Variants in VPS37A observed in about 807,000 individuals in gnomAD.
The protein encoded by VPS37A is vacuolar protein sorting-associated protein 37A.
A neutral mutation model predicts 49.8 loss-of-function variants in VPS37A; 30 were observed. That is an observed-to-expected ratio of 0.60 (90% CI 0.45 to 0.82). The LOEUF (loss-of-function observed/expected upper bound fraction) is 0.82, where lower values mean the gene tolerates loss of function less well. Ranked by LOEUF, VPS37A falls within the 40% of genes least tolerant of loss-of-function variation. The pLI is 0.00. For synonymous variants in VPS37A, 195 were observed against 160.6 expected, an observed-to-expected ratio of 1.21 and a Z score of -1.62; for missense variants, 593 against 464.4, an observed-to-expected ratio of 1.28 and a Z score of -2.55.
the VPS37A span, among the ~76,000 whole-genome samples, chr8:17,324,417 C>T: frequency 1.3e-5 from 2 of 152,196 alleles, no homozygotes; most frequent in Admixed American, 1.3e-4. Flanking sequence ...GTTTCCCAGG[C>T]CATCCATGGT....
chr8:17,319,428 C>T, the VPS37A span, among the ~76,000 whole-genome samples: 6 of 152,160 alleles, frequency 3.9e-5, no homozygotes, highest in African/African-American at 1.4e-4. Flanking sequence ...AACATGTCAA[C>T]GCTGAAGCTC....
downstream of VPS37A, chr8:17,305,645 A>T: frequency 2.4e-6 from 2 of 827,822 alleles, no homozygotes; most frequent in Non-Finnish European, 3.8e-6. Flanking sequence ...CTGTCAGTAT[A>T]GGTATGTGAC....
intron 1 of VPS37A, among the ~76,000 whole-genome samples, chr8:17,255,477 G>A (rs1188753978): frequency 6.7e-6 from 1 of 148,506 alleles, no homozygotes. Flanking sequence ...GTGAGACTTC[G>A]TCTTAAATAT....
At chr8:17,312,776 C>G in the VPS37A span, among the ~76,000 whole-genome samples, 1 of 152,192 alleles carries the variant, frequency 6.6e-6, no homozygotes, top group Admixed American at 6.5e-5. Context: ...ATATGGTTCT[C>G]TTTAGGTATA....
intron 2 of VPS37A, among the ~76,000 whole-genome samples, chr8:17,266,961 C>T (rs571824439): frequency 3.6e-4 from 54 of 151,912 alleles, no homozygotes; most frequent in Non-Finnish European, 5.3e-4. Flanking sequence ...TCAGTAGAGA[C>T]GAGGTTTCAC....
At chr8:17,299,240 T>C (rs763898778), downstream of VPS37A, 5 of 152,382 alleles carry the variant, frequency 3.3e-5, no homozygotes, top group East Asian at 5.8e-4. Flanking sequence ...AAACAGACTA[T>C]AGATCTCAGA....
chr8:17,320,692 C>T, the VPS37A span, among the ~76,000 whole-genome samples: 2 of 152,206 alleles, frequency 1.3e-5, no homozygotes, highest in Non-Finnish European at 2.9e-5. Flanking sequence ...GCAAGCTCGG[C>T]CCTTCTGGAG....
the VPS37A span, among the ~76,000 whole-genome samples, chr8:17,320,899 G>C: frequency 6.6e-6 from 1 of 152,294 alleles, no homozygotes; most frequent in South Asian, 2.1e-4. Flanking sequence ...ATGCCCCAAA[G>C]TGTTCAACTT....
At chr8:17,266,669 C>T (rs1476172264) in intron 2 of VPS37A, among the ~76,000 whole-genome samples, 1 of 152,166 alleles carries the variant, frequency 6.6e-6, no homozygotes, top group Non-Finnish European at 1.5e-5. Flanking sequence ...TCACGTTCTC[C>T]TTGCCAGCAT....
At chr8:17,279,867 G>T (rs766622890) in intron 6 of VPS37A, 161 bp from the exon 7 acceptor site, 1 of 821,706 alleles carries the variant, frequency 1.2e-6, no homozygotes, top group Non-Finnish European at 2.0e-6. Context: ...TGTGGTTGAT[G>T]TTTTATTTGA....
intron 10 of VPS37A, among the ~76,000 whole-genome samples, chr8:17,285,697 T>C (rs1394630122): frequency 6.6e-6 from 1 of 152,198 alleles, no homozygotes; most frequent in Non-Finnish European, 1.5e-5. Context: ...GTTATAGTGT[T>C]AGTAAGGCAT....
the VPS37A span, among the ~76,000 whole-genome samples, chr8:17,320,525 A>G: frequency 1.3e-5 from 2 of 152,198 alleles, no homozygotes; most frequent in Non-Finnish European, 2.9e-5. Context: ...TAAGGAGGAC[A>G]TACAGAAGCT....
intron 11 of VPS37A, among the ~76,000 whole-genome samples, chr8:17,288,144 G>A: frequency 6.6e-6 from 1 of 152,158 alleles, no homozygotes; most frequent in East Asian, 1.9e-4. Flanking sequence ...ACACAGAGTA[G>A]TTGCTCATTT....
At chr8:17,331,199 C>T in the VPS37A span, 5 of 1,612,786 alleles carry the variant, frequency 3.1e-6, no homozygotes, top group Non-Finnish European at 4.2e-6. Flanking sequence ...TGTTCTCTAT[C>T]CCGATAAACT....
intron 1 of VPS37A, among the ~76,000 whole-genome samples, chr8:17,257,097 T>A (rs933423254): frequency 6.6e-6 from 1 of 152,186 alleles, no homozygotes; most frequent in Non-Finnish European, 1.5e-5. Context: ...CTTATTTGAT[T>A]TTTGTGTATG....
intron 4 of VPS37A, chr8:17,271,933 A>G: frequency 1.6e-5 from 7 of 450,342 alleles, no homozygotes; most frequent in South Asian, 1.1e-4. Flanking sequence ...AATCCAGGAA[A>G]TCTCATCTTT....
downstream of VPS37A, chr8:17,298,047 A>G (rs1586114817): frequency 6.6e-6 from 1 of 152,184 alleles, no homozygotes; most frequent in African/African-American, 2.4e-5. Flanking sequence ...TTTTTTAAAA[A>G]ATGTTTATTG....
At chr8:17,306,084 G>C (rs1817436314), downstream of VPS37A, 1 of 729,868 alleles carries the variant, frequency 1.4e-6, no homozygotes, top group African/African-American at 1.8e-5. Context: ...AACTTGGAAT[G>C]ACAAAAAAGG....
the VPS37A span, among the ~76,000 whole-genome samples, chr8:17,321,962 T>C: frequency 2.0e-5 from 3 of 152,340 alleles, no homozygotes; most frequent in East Asian, 5.8e-4. Flanking sequence ...CTTAGGTATT[T>C]CCTATACCAC....
Sources: allele counts gnomAD v4.1 joint callset (sites outside exome capture counted in the v4.1 genomes callset), GRCh38; gene constraint gnomAD v4.1.1; transcripts MANE v1.5; gene names NCBI Gene and HGNC (gene_info 2026-07-23, HGNC 2026-07-21).